ADAMTS6: variants seen among roughly 807,000 people sequenced by gnomAD.
The protein encoded by ADAMTS6 is ADAM metallopeptidase with thrombospondin type 1 motif 6, also known as A disintegrin and metalloproteinase with thrombospondin motifs 6.
Under a neutral mutation model 144.3 loss-of-function variants are expected in ADAMTS6, and 23 were observed. The ratio of observed to expected loss-of-function variants is 0.16; its 90% CI spans 0.11 to 0.23. The LOEUF is 0.23. Ranked by LOEUF, ADAMTS6 falls within the 10% of genes least tolerant of loss-of-function variation. The pLI is 1.00. For missense variants in ADAMTS6, 999 were observed against 1,379.6 expected (o/e 0.72, Z 4.37); for synonymous variants, 444 against 457.5 (o/e 0.97, Z 0.38).
At chr5:65,152,536 T>G (rs1752194033) in intron 24 of ADAMTS6, among the ~76,000 whole-genome samples, 1 of 152,222 alleles carries the variant, frequency 6.6e-6, no homozygotes, top group Admixed American at 6.5e-5. Flanking sequence ...AGTCTGTGGG[T>G]TATGGAAACA....
At chr5:65,174,792 G>A (rs1283583666) in intron 22 of ADAMTS6, among the ~76,000 whole-genome samples, 3 of 152,082 alleles carry the variant, frequency 2.0e-5, no homozygotes, top group East Asian at 1.9e-4. Flanking sequence ...CTTTTTACTC[G>A]TTCTTTGTTT....
intron 12 of ADAMTS6, among the ~76,000 whole-genome samples, chr5:65,266,565 A>G (rs1487152669): frequency 6.6e-6 from 1 of 151,976 alleles, no homozygotes; most frequent in Non-Finnish European, 1.5e-5. Context: ...ACTTTATGTT[A>G]CAAACTTCAG....
At chr5:65,333,997 T>TAAAAAAAAAAAAAAAAAAAAA (rs750637450) in intron 8 of ADAMTS6, 45 bp downstream of exon 8, 78 of 842,416 alleles carry the variant, frequency 9.3e-5, no homozygotes, top group African/African-American at 2.7e-4. Flanking sequence ...CTACCTTTAT[T>TAAAAAAAAAAAAAAAAAAAAA]AAAAAAAAAA....
intron 7 of ADAMTS6, among the ~76,000 whole-genome samples, chr5:65,366,896 A>C (rs1436694841): frequency 6.6e-6 from 1 of 152,200 alleles, no homozygotes; most frequent in Non-Finnish European, 1.5e-5. Context: ...AAATTTTAGC[A>C]GTCTATCCAA....
At chr5:65,340,622 C>T (rs183120936) in intron 7 of ADAMTS6, among the ~76,000 whole-genome samples, 5 of 151,868 alleles carry the variant, frequency 3.3e-5, no homozygotes, top group Non-Finnish European at 5.9e-5. Flanking sequence ...TAATAGTAAC[C>T]TTGAATGTAA....
chr5:65,295,520 A>T (rs1742750072), intron 10 of ADAMTS6, among the ~76,000 whole-genome samples: 1 of 152,120 alleles, frequency 6.6e-6, no homozygotes, highest in South Asian at 2.1e-4. Flanking sequence ...CTCACTCATT[A>T]TTAAATGTAG....
intron 3 of ADAMTS6, among the ~76,000 whole-genome samples, chr5:65,461,527 A>T (rs1214433869): frequency 6.6e-6 from 1 of 152,246 alleles, no homozygotes; most frequent in Non-Finnish European, 1.5e-5. Context: ...TAAGTATGGC[A>T]CATGTGAGGA....
chr5:65,252,061 T>C (rs1358617495), intron 14 of ADAMTS6, among the ~76,000 whole-genome samples: 2 of 152,210 alleles, frequency 1.3e-5, no homozygotes, highest in African/African-American at 4.8e-5. Flanking sequence ...ATGTTGACTC[T>C]AGGTCCTAAT....
chr5:65,205,117 G>GA (rs970274604), intron 20 of ADAMTS6, among the ~76,000 whole-genome samples: 96 of 142,038 alleles, frequency 6.8e-4, no homozygotes, highest in South Asian at 1.4e-3. Flanking sequence ...TTTGAATCTT[G>GA]AAAAAAAAAA....
At chr5:65,456,605 T>G (rs964215923) in intron 4 of ADAMTS6, among the ~76,000 whole-genome samples, 2 of 152,166 alleles carry the variant, frequency 1.3e-5, no homozygotes, top group Non-Finnish European at 2.9e-5. Context: ...CAGGGACTTT[T>G]TCTGCTTTAT....
chr5:65,313,307 T>G (rs1206607259), intron 9 of ADAMTS6, among the ~76,000 whole-genome samples: 1 of 152,138 alleles, frequency 6.6e-6, no homozygotes, highest in Non-Finnish European at 1.5e-5. Context: ...AGACTTTATT[T>G]TAATAACTTT....
intron 11 of ADAMTS6, among the ~76,000 whole-genome samples, chr5:65,290,303 C>T (rs568259904): frequency 6.6e-6 from 1 of 152,182 alleles, no homozygotes; most frequent in Non-Finnish European, 1.5e-5. Flanking sequence ...GTAATCCTAG[C>T]TCTTTGGGAG....
chr5:65,349,128 A>G (rs1748616636), intron 7 of ADAMTS6, among the ~76,000 whole-genome samples: 1 of 152,158 alleles, frequency 6.6e-6, no homozygotes, highest in African/African-American at 2.4e-5. Context: ...ATTTAAGTCA[A>G]GGAAGAAAAA....
At chr5:65,230,063 C>G (rs1250882575) in intron 15 of ADAMTS6, among the ~76,000 whole-genome samples, 1 of 151,814 alleles carries the variant, frequency 6.6e-6, no homozygotes, top group Non-Finnish European at 1.5e-5. Flanking sequence ...GATTTCTCAG[C>G]AGAATCCCTG....
rs6876192 is a variant in ADAMTS6 at position 65,389,227 on chromosome 5, G to T, written c.1074-55142C>A. 7.6e-3 allele frequency among the ~76,000 whole-genome samples: 1,150 copies of T among 151,884 alleles called. 16 individuals are homozygous for T. Among genetic ancestry groups the T allele is most frequent in the African/African-American group, 0.025 (1,047 of 41,438 alleles). ...TCAAAGAAAAAAAAAAAGAAAGAAA[G>T]AAATAAAGGTTTCCAACACTTGGAA... On this transcript the variant is annotated intron_variant, in intron 7 of 24. Coordinates refer to ENST00000381055, the MANE Select transcript of ADAMTS6 (RefSeq NM_197941.4).
intron 7 of ADAMTS6, among the ~76,000 whole-genome samples, chr5:65,440,662 T>C (rs1490441200): frequency 1.3e-5 from 2 of 152,078 alleles, no homozygotes; most frequent in African/African-American, 4.8e-5. Context: ...CCAGGCAAAT[T>C]ATCACCCAAA....
At chr5:65,468,738 T>C (rs1760215999) in intron 3 of ADAMTS6, among the ~76,000 whole-genome samples, 1 of 152,212 alleles carries the variant, frequency 6.6e-6, no homozygotes, top group Non-Finnish European at 1.5e-5. Flanking sequence ...ATCTCCTTCA[T>C]TGTAGAAAAG....
At chr5:65,296,421 G>A (rs1453688631) in intron 10 of ADAMTS6, among the ~76,000 whole-genome samples, 1 of 152,110 alleles carries the variant, frequency 6.6e-6, no homozygotes, top group Non-Finnish European at 1.5e-5. Context: ...ATACTGTATT[G>A]AGAATGGTTT....
At chr5:65,311,860 G>T (rs1744526021) in intron 9 of ADAMTS6, among the ~76,000 whole-genome samples, 1 of 151,982 alleles carries the variant, frequency 6.6e-6, no homozygotes, top group African/African-American at 2.4e-5. Context: ...CCAAACAGAA[G>T]ATCTGTATAG....
Sources: allele counts gnomAD v4.1 joint callset (sites outside exome capture counted in the v4.1 genomes callset), GRCh38; gene constraint gnomAD v4.1.1; transcripts MANE v1.5; gene names NCBI Gene and HGNC (gene_info 2026-07-23, HGNC 2026-07-21).